RNF24: variants seen among roughly 807,000 people sequenced by gnomAD.
RNF24 encodes the protein ring finger protein 24.
A neutral mutation model predicts 20.0 loss-of-function variants in RNF24; 14 were observed. The ratio of observed to expected loss-of-function variants is 0.70; its 90% CI spans 0.46 to 1.10. RNF24 has a LOEUF of 1.10. Among genes scored for constraint, RNF24 ranks in the 50% least tolerant of loss-of-function variants. RNF24 has a pLI of 0.00. For missense variants in RNF24, 124 were observed against 177.6 expected, an observed-to-expected ratio of 0.70 and a Z score of 1.71; for synonymous variants, 45 against 61.1, an observed-to-expected ratio of 0.74 and a Z score of 1.23.
chr20:3,964,189 T>C (rs544121533), intron 1 of RNF24, among the ~76,000 whole-genome samples, 165 bp from the exon 2 acceptor site: 1 of 152,338 alleles, frequency 6.6e-6, no homozygotes, highest in South Asian at 2.1e-4. Flanking sequence ...ATGCCAAATA[T>C]TTACTGAGTA....
At position 3,993,986 on chromosome 20, in the gene RNF24, T is replaced by G. The variant is rs568703048; in HGVS notation, c.-8+21451A>C. Among the ~76,000 whole-genome samples, 4 of 152,286 alleles carry G rather than the reference T, an allele frequency of 2.6e-5. No homozygotes were observed. The East Asian group carries it at 5.8e-4, about 22-fold the overall frequency. On this transcript the variant is annotated intron_variant, in intron 1 of 5. Coordinates refer to ENST00000358395, the MANE Select transcript of RNF24 (RefSeq NM_001134337.3). ...AATCCTATTAACTAAAATACAGACT[T>G]TATGCAATTTTCACCAGCTTTCCCA...
rs544020371 is a variant in RNF24 at position 3,934,100 on chromosome 20, G to T, written c.410C>A (p.Pro137His). Residue 137 changes from proline to histidine, a missense_variant, in exon 6 of 6, where the codon CCT (proline) becomes CAT (histidine). Physicochemically the swap from Pro to His is moderately conservative, Grantham distance 77 (BLOSUM62 -2). Transcript: ENST00000358395. This position sits in a 1 kb window ranked among gnomAD's most constrained non-coding sequence, Gnocchi z 4.0. ...QLHSKQDRGP[P>H]QGPLPGAENI... is the part of the protein sequence containing the mutation. ...CTCTGCCCCAGGAAGGGGCCCCTGA[G>T]GGGGTCCACGGTCCTGCTTACTGTG... 1.6e-5 allele frequency: 25 copies of T among 1,536,448 alleles called. No individual in the cohort carries two copies. The East Asian group carries it at 5.9e-4, about 36-fold the overall frequency.
intron 1 of RNF24, among the ~76,000 whole-genome samples, chr20:3,969,779 T>G (rs866794841): frequency 2.5e-4 from 37 of 150,984 alleles, no homozygotes; most frequent in South Asian, 1.7e-3. Context: ...ATCTGTTTTT[T>G]TTTTTTTTTT....
At position 3,934,050 on chromosome 20, in the gene RNF24, T is replaced by C. The variant is rs376917456; in HGVS notation, c.*13A>G. The C allele has an allele frequency of 1.4e-6, 2 of 1,452,916 alleles. No individual in the cohort carries two copies. 90.0% of individuals were successfully genotyped at this position (1,452,916 alleles called of 1,614,324 possible). A position where few individuals can be genotyped will look rare whatever the true frequency, so the allele number is the denominator to read the frequency against. ...GACGTCGTGTCCAGCAACAGTCTGA[T>C]CCTTGCGGTAAGCTATACAATGTTC... On this transcript the variant is annotated 3_prime_UTR_variant, in exon 6 of 6. Coordinates refer to ENST00000358395, the MANE Select transcript of RNF24 (RefSeq NM_001134337.3). This position sits in a 1 kb window ranked among gnomAD's most constrained non-coding sequence, Gnocchi z 4.0.
intron 2 of RNF24, among the ~76,000 whole-genome samples, chr20:3,962,672 A>G (rs1205491902): frequency 1.3e-5 from 2 of 151,190 alleles, no homozygotes; most frequent in Non-Finnish European, 2.9e-5. Flanking sequence ...TTTTTGGATG[A>G]TATTTATATC....
At chr20:4,012,577 A>G (rs1435718263) in intron 1 of RNF24, among the ~76,000 whole-genome samples, 1 of 152,236 alleles carries the variant, frequency 6.6e-6, no homozygotes, top group Non-Finnish European at 1.5e-5. Flanking sequence ...CATCACTAAC[A>G]TAATATTACT....
At chr20:3,998,446 A>G (rs1268530575) in intron 1 of RNF24, among the ~76,000 whole-genome samples, 5 of 152,030 alleles carry the variant, frequency 3.3e-5, no homozygotes, top group Admixed American at 2.0e-4. Context: ...ATGGTGGGAC[A>G]TGCCCGTAGT....
intron 2 of RNF24, among the ~76,000 whole-genome samples, chr20:3,962,088 C>T (rs1034197643): frequency 2.0e-5 from 3 of 152,116 alleles, no homozygotes; most frequent in African/African-American, 7.2e-5. Flanking sequence ...TGTGGTGGCT[C>T]ACCCCTGTAA....
At chr20:3,963,158 T>C (rs1441095155) in intron 2 of RNF24, among the ~76,000 whole-genome samples, 1 of 152,232 alleles carries the variant, frequency 6.6e-6, no homozygotes, top group Non-Finnish European at 1.5e-5. Context: ...GCAGTCAACA[T>C]ATCTATGAGA....
chr20:3,937,529 C>G (rs1028234352), intron 4 of RNF24, among the ~76,000 whole-genome samples: 7 of 152,166 alleles, frequency 4.6e-5, no homozygotes, highest in African/African-American at 1.7e-4. Flanking sequence ...TCTTTACAAT[C>G]TAATTCCAGA....
At chr20:3,961,412 G>A (rs1437439649) in intron 2 of RNF24, among the ~76,000 whole-genome samples, 28 of 144,552 alleles carry the variant, frequency 1.9e-4, no homozygotes, top group African/African-American at 3.3e-4. Context: ...AAAAAAAAAA[G>A]ATACAAAAGG....
In RNF24 at chr20:3,967,306, T is replaced by G. The variant is rs536555417; in HGVS notation, c.-7-3282A>C. Among the ~76,000 whole-genome samples the G allele has an allele frequency of 7.9e-5, 12 of 152,322 alleles. No individual in the cohort carries two copies. In the South Asian group the frequency reaches 2.5e-3, roughly 32 times the overall value. On this transcript the variant is annotated intron_variant, in intron 1 of 5. Coordinates refer to ENST00000358395, the MANE Select transcript of RNF24 (RefSeq NM_001134337.3). ...TGAAGAGGAGAAATAGAACATACAG[T>G]ACACTGTTGTAGCTTACTTGGCATT... is the stretch of plus-strand genomic sequence containing the variant.
At chr20:4,005,727 A>AT (rs891332219) in intron 1 of RNF24, among the ~76,000 whole-genome samples, 2 of 151,588 alleles carry the variant, frequency 1.3e-5, no homozygotes, top group South Asian at 4.2e-4. Context: ...GGTAGCTATA[A>AT]TTTTTTTTTG....
chr20:3,940,103 C>T (rs2090937569), intron 4 of RNF24, among the ~76,000 whole-genome samples: 1 of 152,034 alleles, frequency 6.6e-6, no homozygotes, highest in Non-Finnish European at 1.5e-5. Flanking sequence ...GGGTTACAGG[C>T]ATGCACCACC....
At chr20:3,961,933 T>C (rs1329408725) in intron 2 of RNF24, among the ~76,000 whole-genome samples, 1 of 152,214 alleles carries the variant, frequency 6.6e-6, no homozygotes, top group Non-Finnish European at 1.5e-5. Context: ...CAAACTATTA[T>C]TAATTTATAT....
At chr20:3,957,471 T>A (rs60376602) in intron 2 of RNF24, among the ~76,000 whole-genome samples, 43,485 of 95,162 alleles carry the variant, frequency 0.46, 7,143 homozygotes, top group South Asian at 0.57. Context: ...AAAAAAAAAA[T>A]AATAATAATA....
At chr20:3,964,127 AAATATGGTAGAC>A in intron 1 of RNF24, 103 bp from the exon 2 acceptor site, 1 of 886,662 alleles carries the variant, frequency 1.1e-6, no homozygotes, top group South Asian at 1.9e-5. Flanking sequence ...CATCTGAAAC[AAATATGGTAGAC>A]AAAGTGTTAA....
chr20:3,967,973 C>CAAAAAAAAA (rs58984163), intron 1 of RNF24, among the ~76,000 whole-genome samples: 12 of 77,168 alleles, frequency 1.6e-4, no homozygotes, highest in African/African-American at 2.1e-4. Context: ...AGCCTGGCAA[C>CAAAAAAAAA]AAAAAAAAAA....
At chr20:3,991,815 C>A (rs1233617155) in intron 1 of RNF24, among the ~76,000 whole-genome samples, 1 of 151,878 alleles carries the variant, frequency 6.6e-6, no homozygotes, top group Non-Finnish European at 1.5e-5. Context: ...TAAATTGTTT[C>A]TTCTCAGTTG....
Sources: gnomAD v4.1 joint callset for allele counts (sites outside exome capture counted in the v4.1 genomes callset) on GRCh38, gnomAD v4.1.1 for gene constraint, Gnocchi (gnomAD v3.1) non-coding constraint, MANE v1.5 for transcripts, NCBI Gene and HGNC (gene_info 2026-07-23, HGNC 2026-07-21) for gene names.